Variants in CEP128 observed in about 807,000 individuals in gnomAD.
CEP128 encodes centrosomal protein 128kDa.
CEP128 carries 132 observed loss-of-function variants against 156.7 expected under a neutral mutation model. The observed-to-expected ratio is 0.84, with a 90% CI of 0.73 to 0.97. The LOEUF is 0.97. Among genes scored for constraint, CEP128 ranks in the 50% least tolerant of loss-of-function variants. The probability of loss-of-function intolerance (pLI) is 0.00; values close to 1 mark genes in which losing one functional copy is unlikely to be tolerated. For missense variants in CEP128, 1,252 were observed against 1,281.9 expected (o/e 0.98, Z 0.36); for synonymous variants, 469 against 448.9 (o/e 1.04, Z -0.57).
chr14:80,598,569 C>T (rs1396697595), intron 19 of CEP128, among the ~76,000 whole-genome samples: 43 of 152,096 alleles, frequency 2.8e-4, no homozygotes, highest in Non-Finnish European at 4.4e-5. Flanking sequence ...AAGTTCCATA[C>T]AATTTCTATC....
At chr14:80,936,871 G>A (rs530449894) in intron 2 of CEP128, among the ~76,000 whole-genome samples, 10 of 151,846 alleles carry the variant, frequency 6.6e-5, no homozygotes, top group East Asian at 1.9e-4. Flanking sequence ...CCTCTCACTC[G>A]CAGGGTTAGC....
chr14:80,785,279 T>C lies in CEP128; in HGVS notation c.1827A>G (p.Lys609=). The C allele has an allele frequency of 6.2e-7, 1 of 1,614,198 alleles. No individual in the cohort carries two copies. The highest frequency in any genetic ancestry group is 1.1e-5 in the South Asian group (1 of 91,086). ...CTGCAATTTCTTCCTCCAAGTGAGC[T>C]TTCTCAACTTTCATCTGGCTTTGGA... is the stretch of plus-strand genomic sequence containing the variant. ...SKIQSQMKVE[K]AHLEEEIAEL... The change falls in exon 15 of 25, where the codon AAA becomes AAG. Residue 609 remains lysine (K), a synonymous_variant. Coordinates refer to ENST00000555265, the MANE Select transcript of CEP128 (RefSeq NM_152446.5).
At chr14:80,951,259 T>C (rs1412280288) in intron 2 of CEP128, among the ~76,000 whole-genome samples, 1 of 152,106 alleles carries the variant, frequency 6.6e-6, no homozygotes, top group Non-Finnish European at 1.5e-5. Flanking sequence ...GTCTTATTAT[T>C]TGAATCCCTT....
In CEP128 at chr14:80,562,676, T is replaced by C. The variant is rs1459195576; in HGVS notation, c.2857-3374A>G. Among the ~76,000 whole-genome samples, 8 of 149,304 alleles carry C rather than the reference T, an allele frequency of 5.4e-5. No homozygotes were observed. In the East Asian group the frequency reaches 1.2e-3, roughly 22 times the overall value. On this transcript the variant is annotated intron_variant, in intron 20 of 24. Coordinates refer to ENST00000555265, the MANE Select transcript of CEP128 (RefSeq NM_152446.5). ...TTTTCTTTTTTTTTTTTTTTTTTTT[T>C]TGGAGACAGGGTCTCCCTCTATCAT...
chr14:80,556,793 C>T (rs531649907), intron 21 of CEP128, among the ~76,000 whole-genome samples: 1 of 152,130 alleles, frequency 6.6e-6, no homozygotes, highest in Non-Finnish European at 1.5e-5. Context: ...GGACCAACAA[C>T]ATTTTTCTAA....
intron 8 of CEP128, among the ~76,000 whole-genome samples, chr14:80,874,431 C>G (rs2139276755): frequency 6.6e-6 from 1 of 151,224 alleles, no homozygotes; most frequent in South Asian, 2.1e-4. Flanking sequence ...ACCACTGCAC[C>G]CCAGCCTGGG....
intron 19 of CEP128, among the ~76,000 whole-genome samples, chr14:80,643,333 T>TG (rs1894499395): frequency 6.6e-6 from 1 of 152,078 alleles, no homozygotes; most frequent in Non-Finnish European, 1.5e-5. Flanking sequence ...CCATCAATAA[T>TG]GGAGGCCAGC....
At chr14:80,828,397 A>G (rs1042290278) in intron 13 of CEP128, among the ~76,000 whole-genome samples, 3 of 152,190 alleles carry the variant, frequency 2.0e-5, no homozygotes, top group Non-Finnish European at 4.4e-5. Flanking sequence ...TGCTGGGATT[A>G]CAGGCGTGAG....
intron 20 of CEP128, among the ~76,000 whole-genome samples, chr14:80,578,597 C>T (rs774416772): frequency 1.3e-5 from 2 of 152,086 alleles, no homozygotes; most frequent in Non-Finnish European, 2.9e-5. Context: ...ATTGAGTTAT[C>T]CAAGGTTACC....
intron 19 of CEP128, among the ~76,000 whole-genome samples, chr14:80,724,668 T>C (rs1329001299): frequency 6.6e-6 from 1 of 152,048 alleles, no homozygotes; most frequent in Non-Finnish European, 1.5e-5. Context: ...ACATTTGGGG[T>C]TGACAGTAGG....
At chr14:80,504,511 G>A (rs1197393764) in intron 24 of CEP128, among the ~76,000 whole-genome samples, 3 of 152,248 alleles carry the variant, frequency 2.0e-5, no homozygotes, top group East Asian at 3.9e-4. Flanking sequence ...AGCAGTAATA[G>A]TATTCTTACT....
chr14:80,488,885 C>T (rs1335562140), downstream of CEP128, among the ~76,000 whole-genome samples: 3 of 144,258 alleles, frequency 2.1e-5, no homozygotes, highest in Admixed American at 2.2e-4. Context: ...ATCACAAGGA[C>T]AAAAAACCAA....
intron 19 of CEP128, among the ~76,000 whole-genome samples, chr14:80,733,077 G>A (rs999721745): frequency 7.9e-5 from 12 of 152,262 alleles, no homozygotes; most frequent in African/African-American, 2.2e-4. Flanking sequence ...CACAATATGA[G>A]TGGGCCTCAT....
chr14:80,643,698 A>T lies in CEP128; in HGVS notation c.2807-63275T>A, dbSNP rs189816653. 4.4e-3 allele frequency among the ~76,000 whole-genome samples: 565 copies of T among 127,448 alleles called. 4 individuals carry two copies. The highest frequency in any genetic ancestry group is 5.3e-3 in the Non-Finnish European group (334 of 63,150). The allele number at this position is 127,448 out of a possible 152,430, so 83.6% of individuals were successfully genotyped here. A position where few individuals can be genotyped will look rare whatever the true frequency, so the allele number is the denominator to read the frequency against. On this transcript the variant is annotated intron_variant, in intron 19 of 24. Coordinates refer to ENST00000555265, the MANE Select transcript of CEP128 (RefSeq NM_152446.5). Reference sequence around the variant, plus strand: ...GCACTCTAACCTGGGCATCAGAGCAAGACTCCATCTCAAAAAAATCGTGGT... The same window carrying T: ...GCACTCTAACCTGGGCATCAGAGCATGACTCCATCTCAAAAAAATCGTGGT...
At chr14:80,706,385 C>T (rs1459188248) in intron 19 of CEP128, among the ~76,000 whole-genome samples, 1 of 151,872 alleles carries the variant, frequency 6.6e-6, no homozygotes, top group Non-Finnish European at 1.5e-5. Context: ...ATATGATTCA[C>T]TAATCTTATT....
intron 2 of CEP128, among the ~76,000 whole-genome samples, chr14:80,954,195 C>G (rs1045010880): frequency 6.6e-6 from 1 of 151,678 alleles, no homozygotes; most frequent in Non-Finnish European, 1.5e-5. Flanking sequence ...GCTTGAACCT[C>G]GGAGGCAAAG....
intron 7 of CEP128, among the ~76,000 whole-genome samples, chr14:80,899,368 A>C (rs1446785119): frequency 6.6e-6 from 1 of 152,220 alleles, no homozygotes. Flanking sequence ...TGGCCTCCAA[A>C]AGAAAGCCAC....
chr14:80,483,732 CAA>C (rs1197233899), intron 14 of CEP128, among the ~76,000 whole-genome samples: 1 of 152,184 alleles, frequency 6.6e-6, no homozygotes, highest in Non-Finnish European at 1.5e-5. Context: ...AGGCAAAAGA[CAA>C]TGCCTTTCTT....
At chr14:80,575,765 A>G (rs1891327977) in intron 20 of CEP128, among the ~76,000 whole-genome samples, 1 of 152,166 alleles carries the variant, frequency 6.6e-6, no homozygotes, top group Non-Finnish European at 1.5e-5. Flanking sequence ...ATTATCCTTA[A>G]TTTACAATAT....
Sources: allele counts gnomAD v4.1 joint callset (sites outside exome capture counted in the v4.1 genomes callset), GRCh38; gene constraint gnomAD v4.1.1; transcripts MANE v1.5; gene names NCBI Gene and HGNC (gene_info 2026-07-23, HGNC 2026-07-21).